PPP3CA: variants seen among roughly 807,000 people sequenced by gnomAD.
The protein encoded by PPP3CA is CAM-PRP catalytic subunit.
A neutral mutation model predicts 66.5 loss-of-function variants in PPP3CA; 14 were observed. The observed-to-expected ratio is 0.21, with a 90% CI of 0.14 to 0.33. The LOEUF is 0.33. PPP3CA is among the 10% of genes least tolerant of loss of function. The pLI, the probability that PPP3CA is intolerant of heterozygous loss-of-function variation, is 1.00. For missense variants in PPP3CA, 317 were observed against 639.5 expected, an observed-to-expected ratio of 0.50 and a Z score of 5.44; for synonymous variants, 232 against 226.2, an observed-to-expected ratio of 1.03 and a Z score of -0.23.
chr4:101,197,950 TAATA>T (rs1255438124), intron 1 of PPP3CA, among the ~76,000 whole-genome samples: 1 of 152,226 alleles, frequency 6.6e-6, no homozygotes, highest in East Asian at 1.9e-4. Flanking sequence ...TAAAAATGAT[TAATA>T]AATCACTTCT....
Position 101,176,348 on chromosome 4 carries a change from C to G in PPP3CA, c.259+19568G>C, listed in dbSNP as rs1026034946. 2.9e-4 allele frequency among the ~76,000 whole-genome samples: 44 copies of G among 152,226 alleles called. 1 individual carries two copies. The highest frequency in any genetic ancestry group is 1.0e-3 in the African/African-American group (43 of 41,540). The stretch of plus-strand genomic sequence containing the variant: ...TTGCAAAAGCAACAATAACGTGCTG[C>G]AGAAGTAAAGTCATCACCTTCTCCA... On this transcript the variant is annotated intron_variant, in intron 2 of 13. Transcript: ENST00000394854.
chr4:101,337,619 G>C (rs1729671519), intron 1 of PPP3CA, among the ~76,000 whole-genome samples: 1 of 152,228 alleles, frequency 6.6e-6, no homozygotes, highest in African/African-American at 2.4e-5. Context: ...TCTTTGAAAT[G>C]AAAGTATTTC....
intron 10 of PPP3CA, among the ~76,000 whole-genome samples, chr4:101,046,407 T>C (rs1210399751): frequency 1.3e-5 from 2 of 152,168 alleles, no homozygotes; most frequent in East Asian, 3.8e-4. Context: ...TTGATCATTA[T>C]ATCGGCCATG....
intron 1 of PPP3CA, among the ~76,000 whole-genome samples, chr4:101,219,464 A>T (rs192729656): frequency 4.6e-5 from 7 of 152,068 alleles, no homozygotes; most frequent in Admixed American, 1.3e-4. Flanking sequence ...CTCTTTAAAA[A>T]TAACTAGATT....
At chr4:101,205,422 T>C (rs986964682) in intron 1 of PPP3CA, among the ~76,000 whole-genome samples, 2 of 152,152 alleles carry the variant, frequency 1.3e-5, no homozygotes, top group Admixed American at 6.5e-5. Flanking sequence ...AGACATGAAA[T>C]ATAAGGAAGG....
intron 1 of PPP3CA, among the ~76,000 whole-genome samples, chr4:101,224,822 T>C (rs1725731078): frequency 6.6e-6 from 1 of 151,812 alleles, no homozygotes; most frequent in Non-Finnish European, 1.5e-5. Context: ...TAACTCTTAA[T>C]GCTCAAAGCT....
intron 1 of PPP3CA, among the ~76,000 whole-genome samples, chr4:101,333,869 T>G (rs1170765015): frequency 6.6e-6 from 1 of 152,150 alleles, no homozygotes; most frequent in African/African-American, 2.4e-5. Context: ...AAGCAAAACT[T>G]ATACCGTGAT....
At chr4:101,138,003 G>T (rs561555011) in intron 2 of PPP3CA, among the ~76,000 whole-genome samples, 23 of 152,116 alleles carry the variant, frequency 1.5e-4, no homozygotes, top group African/African-American at 4.3e-4. Context: ...GCGAGCAGTT[G>T]TATTTCCATA....
At chr4:101,340,598 T>C (rs1729783698) in intron 1 of PPP3CA, among the ~76,000 whole-genome samples, 1 of 152,190 alleles carries the variant, frequency 6.6e-6, no homozygotes, top group African/African-American at 2.4e-5. Flanking sequence ...TGAAATATAA[T>C]TGATGGATTC....
In PPP3CA at chr4:101,048,779, GT is replaced by G. The variant is rs570913038; in HGVS notation, c.1157-8214del. Among the ~76,000 whole-genome samples, 26 of 151,946 alleles carry G rather than the reference GT, an allele frequency of 1.7e-4. No individual in the cohort carries two copies. The East Asian group carries it at 3.1e-3, about 18-fold the overall frequency. ...CAAATATTCTGAATTTCTTCCATATGTTTTTTTAACTTGACTACAATCTCAG... is the reference window on the plus strand; with the variant it reads ...CAAATATTCTGAATTTCTTCCATATGTTTTTTAACTTGACTACAATCTCAG... On this transcript the variant is annotated intron_variant, in intron 10 of 13. Transcript: ENST00000394854.
At chr4:101,183,481 G>A (rs1033811691) in intron 2 of PPP3CA, among the ~76,000 whole-genome samples, 3 of 152,198 alleles carry the variant, frequency 2.0e-5, no homozygotes, top group African/African-American at 7.2e-5. Flanking sequence ...GAAACTAGAC[G>A]AATGAAGGTT....
At chr4:101,236,292 ATG>A (rs964042036) in intron 1 of PPP3CA, among the ~76,000 whole-genome samples, 2 of 37,594 alleles carry the variant, frequency 5.3e-5, no homozygotes, top group Non-Finnish European at 4.3e-4. Flanking sequence ...AAACATAGTC[ATG>A]TGAAAAGCAG....
intron 1 of PPP3CA, among the ~76,000 whole-genome samples, chr4:101,229,305 T>C (rs1725883684): frequency 2.0e-5 from 3 of 151,614 alleles, no homozygotes; most frequent in African/African-American, 4.8e-5. Context: ...GAATTTCAAC[T>C]GTCCAGCCCC....
At chr4:101,041,466 G>T (rs1335515821) in intron 10 of PPP3CA, among the ~76,000 whole-genome samples, 6 of 114,876 alleles carry the variant, frequency 5.2e-5, no homozygotes, top group African/African-American at 2.1e-4. Context: ...ACAGAGTCTC[G>T]CTCTGTCACC....
intron 8 of PPP3CA, among the ~76,000 whole-genome samples, chr4:101,077,608 C>T (rs779868229): frequency 1.3e-5 from 2 of 152,202 alleles, no homozygotes; most frequent in Non-Finnish European, 2.9e-5. Context: ...AGAAATTTTA[C>T]ATAAAAGTCT....
chr4:101,171,114 G>A (rs1489671246), intron 2 of PPP3CA: 6 of 451,362 alleles, frequency 1.3e-5, no homozygotes, highest in African/African-American at 8.0e-5. Flanking sequence ...TCCTTTGGGT[G>A]GTTGTCAGTA....
intron 2 of PPP3CA, among the ~76,000 whole-genome samples, chr4:101,128,492 C>T (rs964012433): frequency 4.0e-5 from 6 of 151,892 alleles, no homozygotes; most frequent in Admixed American, 2.6e-4. Context: ...GTCTGCAGCT[C>T]CCAGCGACAC....
chr4:101,257,076 T>G (rs918935298), intron 1 of PPP3CA, among the ~76,000 whole-genome samples: 2 of 151,972 alleles, frequency 1.3e-5, no homozygotes, highest in African/African-American at 4.8e-5. Context: ...TGACCTTGGA[T>G]GGGTCACTTA....
chr4:101,326,306 C>T (rs1292377487), intron 1 of PPP3CA, among the ~76,000 whole-genome samples: 1 of 152,178 alleles, frequency 6.6e-6, no homozygotes, highest in Non-Finnish European at 1.5e-5. Context: ...CTTACTAGCT[C>T]TCTGATCATG....
Sources: allele counts gnomAD v4.1 joint callset (sites outside exome capture counted in the v4.1 genomes callset), GRCh38; gene constraint gnomAD v4.1.1; transcripts MANE v1.5; gene names NCBI Gene and HGNC (gene_info 2026-07-23, HGNC 2026-07-21).